The following GRIA3 variants were observed in gnomAD, a reference collection of about 807,000 sequenced individuals.
GRIA3 encodes glutamate ionotropic receptor AMPA type subunit 3, also known as glutamate receptor 3.
Under a neutral mutation model 63.0 loss-of-function variants are expected in GRIA3, and 3 were observed. The ratio of observed to expected loss-of-function variants is 0.05; its 90% CI spans 0.02 to 0.12. GRIA3 has a LOEUF of 0.12. GRIA3 is among the 10% of genes least tolerant of loss of function. The pLI is 1.00. For missense variants in GRIA3, 347 were observed against 700.9 expected, an observed-to-expected ratio of 0.50 and a Z score of 5.70; for synonymous variants, 274 against 257.9, an observed-to-expected ratio of 1.06 and a Z score of -0.60.
At chrX:123,357,319 G>A (rs183988362) in intron 5 of GRIA3, among the ~76,000 whole-genome samples, 2 of 110,171 alleles carry the variant, frequency 1.8e-5, no homozygotes, top group Admixed American at 2.0e-4. Flanking sequence ...GATCTGAGCC[G>A]TGCATAAGAA....
At chrX:123,434,143 G>A (rs182787622) in intron 12 of GRIA3, among the ~76,000 whole-genome samples, 1 of 111,758 alleles carries the variant, frequency 8.9e-6, no homozygotes, top group Admixed American at 9.5e-5. Flanking sequence ...AGGGTATGCT[G>A]ACATTTTGAC....
intron 3 of GRIA3, among the ~76,000 whole-genome samples, chrX:123,269,964 G>T (rs1423174680): frequency 8.9e-6 from 1 of 112,559 alleles, no homozygotes; most frequent in East Asian, 2.8e-4. Context: ...GGAAATTCTT[G>T]AAGTCAGTGG....
intron 12 of GRIA3, among the ~76,000 whole-genome samples, chrX:123,434,521 A>G (rs898145840): frequency 8.9e-6 from 1 of 112,048 alleles, no homozygotes; most frequent in African/African-American, 3.2e-5. Flanking sequence ...TTTAAAAAAA[A>G]GAAAACTGTC....
chrX:123,334,076 T>G (rs1361640496), intron 4 of GRIA3, among the ~76,000 whole-genome samples: 1 of 111,922 alleles, frequency 8.9e-6, no homozygotes, highest in African/African-American at 3.2e-5. Flanking sequence ...GAAGCAATAA[T>G]GCAACCCAAA....
chrX:123,450,717 C>A (rs1480897480), intron 12 of GRIA3, among the ~76,000 whole-genome samples: 1 of 112,576 alleles, frequency 8.9e-6, no homozygotes, highest in Non-Finnish European at 1.9e-5. Context: ...TAAACAAATT[C>A]TGTAAATAAC....
intron 2 of GRIA3, 59 bp downstream of exon 2, chrX:123,186,049 T>G: frequency 2.7e-5 from 27 of 996,615 alleles, no homozygotes; most frequent in Non-Finnish European, 3.9e-5. Flanking sequence ...GCATCTTTCT[T>G]GTGGCACTTA....
chrX:123,319,907 C>A (rs991124939), intron 3 of GRIA3, among the ~76,000 whole-genome samples: 1 of 109,906 alleles, frequency 9.1e-6, no homozygotes, highest in Non-Finnish European at 1.9e-5. Flanking sequence ...TCTGGCTGTA[C>A]ATGAGAATCC....
intron 3 of GRIA3, chrX:123,253,812 C>G (rs376698589): frequency 9.6e-6 from 3 of 311,320 alleles, no homozygotes; most frequent in African/African-American, 7.9e-5. Flanking sequence ...AACGCCTCCC[C>G]CATCAAAAAT....
At chrX:123,435,303 A>G (rs769492955) in intron 12 of GRIA3, among the ~76,000 whole-genome samples, 21 of 112,048 alleles carry the variant, frequency 1.9e-4, no homozygotes, top group Non-Finnish European at 3.8e-4. Context: ...ACCCTCTTGG[A>G]GCTCACAATC....
intron 5 of GRIA3, among the ~76,000 whole-genome samples, chrX:123,388,727 C>G (rs1374907826): frequency 8.9e-6 from 1 of 111,855 alleles, no homozygotes; most frequent in African/African-American, 3.2e-5. Context: ...TAGTTCTGCT[C>G]TGATCTTCAT....
chrX:123,380,454 G>A (rs142114168), intron 5 of GRIA3, among the ~76,000 whole-genome samples: 5,090 of 111,447 alleles, frequency 0.046, 278 homozygotes, highest in African/African-American at 0.16. Context: ...TTTTGAGAAG[G>A]GACTGTTCAT....
At chrX:123,454,246 T>A (rs1419124129) in intron 12 of GRIA3, among the ~76,000 whole-genome samples, 4 of 110,826 alleles carry the variant, frequency 3.6e-5, no homozygotes, top group Non-Finnish European at 1.9e-5. Flanking sequence ...CCTGAATGAG[T>A]TCCCAGATCC....
chrX:123,371,346 G>C (rs2045246505), intron 5 of GRIA3, among the ~76,000 whole-genome samples: 1 of 110,208 alleles, frequency 9.1e-6, no homozygotes, highest in Non-Finnish European at 1.9e-5. Flanking sequence ...AACAAACATG[G>C]GAGTGCAGGT....
intron 3 of GRIA3, among the ~76,000 whole-genome samples, chrX:123,290,098 G>A (rs187609528): frequency 1.5e-3 from 163 of 110,997 alleles, no homozygotes; most frequent in Non-Finnish European, 2.6e-3. Context: ...AAAAAATGGT[G>A]AGGAAAATAA....
rs771676887 is a variant in GRIA3, at chrX:123,260,453, A to G, written c.508+6911A>G. Among the ~76,000 whole-genome samples the G allele has an allele frequency of 1.5e-3, 17 of 11,217 alleles. 1 individual carries two copies. Among genetic ancestry groups the G allele is most frequent in the Non-Finnish European group, 1.8e-3 (8 of 4,390 alleles). 9.7% of individuals were successfully genotyped at this position (11,217 alleles called of 115,157 possible). A position where few individuals can be genotyped will look rare whatever the true frequency, so the allele number is the denominator to read the frequency against. ...GAAAGAAAGAAAGAAAGAAAGAAAG[A>G]AAGAAAGGAAGGAAGAAGAAAGGAA... On this transcript the variant is annotated intron_variant, in intron 3 of 15. Transcript: ENST00000620443.
chrX:123,376,152 C>G (rs1227806438), intron 5 of GRIA3, among the ~76,000 whole-genome samples: 1 of 112,147 alleles, frequency 8.9e-6, no homozygotes, highest in Non-Finnish European at 1.9e-5. Context: ...TAAGCTCTGC[C>G]ACATTAGTGT....
intron 2 of GRIA3, among the ~76,000 whole-genome samples, chrX:123,207,165 CAAA>C (rs10710717): frequency 5.0e-4 from 49 of 98,187 alleles, no homozygotes; most frequent in South Asian, 4.0e-3. Context: ...TTATAATTTG[CAAA>C]AAAAAAAAAA....
intron 3 of GRIA3, among the ~76,000 whole-genome samples, chrX:123,275,646 A>C (rs1244997850): frequency 8.9e-6 from 1 of 112,195 alleles, no homozygotes; most frequent in African/African-American, 3.2e-5. Context: ...GGGCTCTTGA[A>C]AGTATCCTAG....
intron 4 of GRIA3, among the ~76,000 whole-genome samples, chrX:123,342,469 G>A (rs1603102153): frequency 8.9e-6 from 1 of 112,217 alleles, no homozygotes; most frequent in East Asian, 2.8e-4. Flanking sequence ...CCTGCACTGT[G>A]ACAAGCTGCC....
Sources: gnomAD v4.1 joint callset for allele counts (sites outside exome capture counted in the v4.1 genomes callset) on GRCh38, gnomAD v4.1.1 for gene constraint, MANE v1.5 for transcripts, NCBI Gene and HGNC (gene_info 2026-07-23, HGNC 2026-07-21) for gene names.